MAP7D2: variants seen among roughly 807,000 people sequenced by gnomAD.
MAP7D2 encodes MAP7 domain-containing protein 2.
MAP7D2 carries 33 observed loss-of-function variants against 63.5 expected under a neutral mutation model. That is an observed-to-expected ratio of 0.52 (90% CI 0.39 to 0.70). The LOEUF (loss-of-function observed/expected upper bound fraction) is 0.70, where lower values mean the gene tolerates loss of function less well. Among genes scored for constraint, MAP7D2 ranks in the 30% least tolerant of loss-of-function variants. MAP7D2 has a pLI of 0.00. For synonymous variants in MAP7D2, 224 were observed against 223.7 expected (o/e 1.00, Z -0.01); for missense variants, 626 against 604.0 (o/e 1.04, Z -0.38).
intron 15 of MAP7D2, among the ~76,000 whole-genome samples, chrX:20,012,127 T>C (rs769413123): frequency 9.0e-6 from 1 of 111,194 alleles, no homozygotes; most frequent in South Asian, 3.8e-4. Flanking sequence ...TCCCAAGAGC[T>C]TTCCTCTAAC....
chrX:20,026,075 C>G lies in MAP7D2; in HGVS notation c.1008-123G>C, dbSNP rs192721615. ...TCCTTCCAGAGGAAGGAAAATAGGGCTTAGCACACACTCAAAAGTCACTAA... is the reference window on the plus strand; with the variant it reads ...TCCTTCCAGAGGAAGGAAAATAGGGGTTAGCACACACTCAAAAGTCACTAA... On this transcript the variant is annotated intron_variant, in intron 8 of 16. Coordinates refer to ENST00000379643, the MANE Select transcript of MAP7D2 (RefSeq NM_001168465.2). 1.1e-3 allele frequency: 830 copies of G among 769,356 alleles called. 13 individuals are homozygous for G. The East Asian group carries it at 0.024, about 23-fold the overall frequency. The allele number at this position is 769,356 out of a possible 1,213,427, so 63.4% of individuals were successfully genotyped here.
intron 1 of MAP7D2, among the ~76,000 whole-genome samples, chrX:20,088,864 C>T (rs374912277): frequency 9.1e-6 from 1 of 110,165 alleles, no homozygotes; most frequent in Non-Finnish European, 1.9e-5. Context: ...GGCAGAGTCT[C>T]GCTCTGTTGC....
At chrX:20,016,654 T>C (rs2073407876) in intron 10 of MAP7D2, among the ~76,000 whole-genome samples, 1 of 112,651 alleles carries the variant, frequency 8.9e-6, no homozygotes. Context: ...CCATCATTCT[T>C]ATTGAATGAC....
chrX:20,058,343 C>T (rs200662275), intron 3 of MAP7D2, among the ~76,000 whole-genome samples: 1 of 112,488 alleles, frequency 8.9e-6, no homozygotes, highest in East Asian at 2.8e-4. Context: ...AACCAATGAC[C>T]TAACTGAAGT....
chrX:20,018,406 G>A (rs1053879122), intron 10 of MAP7D2, among the ~76,000 whole-genome samples: 5 of 103,298 alleles, frequency 4.8e-5, no homozygotes, highest in African/African-American at 1.8e-4. Context: ...GACCCCGCTT[G>A]TCCTTTCCAT....
chrX:20,086,582 A>T (rs185812807), intron 1 of MAP7D2, among the ~76,000 whole-genome samples: 53 of 111,549 alleles, frequency 4.8e-4, no homozygotes, highest in African/African-American at 1.7e-3. Context: ...AATAGGAAGC[A>T]GCCTCAGGAG....
intron 1 of MAP7D2, among the ~76,000 whole-genome samples, chrX:20,088,033 G>A (rs2065959165): frequency 9.3e-6 from 1 of 107,325 alleles, no homozygotes; most frequent in Non-Finnish European, 1.9e-5. Context: ...GGGATTACAG[G>A]TGCATACCAT....
chrX:20,066,679 C>T (rs1023237710), intron 1 of MAP7D2, among the ~76,000 whole-genome samples: 1 of 111,736 alleles, frequency 8.9e-6, no homozygotes, highest in Non-Finnish European at 1.9e-5. Flanking sequence ...CCCTTTCTCC[C>T]ATGCACCTTC....
intron 1 of MAP7D2, among the ~76,000 whole-genome samples, chrX:20,076,701 CAA>C (rs768672531): frequency 2.5e-4 from 18 of 71,745 alleles, no homozygotes; most frequent in Admixed American, 6.2e-4. Context: ...AACTTAGTCT[CAA>C]AAAAAAAAAA....
At chrX:20,113,662 T>C (rs1337651249) in intron 1 of MAP7D2, among the ~76,000 whole-genome samples, 2 of 107,545 alleles carry the variant, frequency 1.9e-5, no homozygotes. Flanking sequence ...CCCACTCTAC[T>C]TTTTTTTTTA....
intron 8 of MAP7D2, among the ~76,000 whole-genome samples, chrX:20,034,748 C>T (rs1444098215): frequency 1.8e-5 from 2 of 111,924 alleles, no homozygotes; most frequent in East Asian, 5.6e-4. Flanking sequence ...GCCTCCGGAA[C>T]TGTGAGAAAT....
At chrX:20,063,604 G>A in intron 2 of MAP7D2, 27 bp from the exon 3 acceptor site, 1 of 1,199,834 alleles carries the variant, frequency 8.3e-7, no homozygotes. Flanking sequence ...GAAGAGAGGT[G>A]TCATTACCAG....
In MAP7D2 at chrX:20,006,713, T is replaced by C. The variant is rs1439106101; in HGVS notation, c.*1712A>G. The C allele has an allele frequency of 1.8e-5, 2 of 111,590 alleles. No individual in the cohort carries two copies. The highest frequency in any genetic ancestry group is 3.8e-5 in the Non-Finnish European group (2 of 53,132). 9.2% of individuals were successfully genotyped at this position (111,590 alleles called of 1,213,427 possible). ...AGAAGCTTTATGCAGTTGACTCCACTTGGCACTGGCAACAAAGGAATTTTT... is the reference window on the plus strand; with the variant it reads ...AGAAGCTTTATGCAGTTGACTCCACCTGGCACTGGCAACAAAGGAATTTTT... On this transcript the variant is annotated 3_prime_UTR_variant, in exon 17 of 17. Transcript: ENST00000379643.
At chrX:20,115,452 T>G (rs1734435042) in intron 1 of MAP7D2, among the ~76,000 whole-genome samples, 2 of 111,057 alleles carry the variant, frequency 1.8e-5, no homozygotes, top group South Asian at 7.4e-4. Context: ...CCACGGAGGG[T>G]CGTTCTGGTG....
intron 10 of MAP7D2, among the ~76,000 whole-genome samples, chrX:20,023,987 T>A (rs1173124044): frequency 1.8e-5 from 2 of 112,131 alleles, no homozygotes; most frequent in Admixed American, 1.9e-4. Context: ...AAACCTGTAA[T>A]CAGAGACCAC....
At chrX:20,113,253 C>CT (rs750810378) in intron 1 of MAP7D2, among the ~76,000 whole-genome samples, 18 of 107,893 alleles carry the variant, frequency 1.7e-4, no homozygotes, top group Non-Finnish European at 3.1e-4. Context: ...GATCTGAACA[C>CT]TTTTTTTTTT....
chrX:20,014,895 T>G (rs1460718751), intron 12 of MAP7D2, among the ~76,000 whole-genome samples: 1 of 110,391 alleles, frequency 9.1e-6, no homozygotes, highest in African/African-American at 3.3e-5. Flanking sequence ...TTTTGTATTT[T>G]TAGTAGAGAC....
intron 15 of MAP7D2, among the ~76,000 whole-genome samples, chrX:20,012,148 C>A (rs1367835235): frequency 9.0e-5 from 10 of 111,213 alleles, no homozygotes; most frequent in Non-Finnish European, 1.7e-4. Flanking sequence ...AAATCACATG[C>A]CCTAGAAACT....
At chrX:20,086,221 G>A (rs1445096171) in intron 1 of MAP7D2, among the ~76,000 whole-genome samples, 1 of 111,737 alleles carries the variant, frequency 8.9e-6, no homozygotes, top group Non-Finnish European at 1.9e-5. Context: ...CCCTCACACT[G>A]CTGATGTCCA....
Sources: allele counts gnomAD v4.1 joint callset (sites outside exome capture counted in the v4.1 genomes callset), GRCh38; gene constraint gnomAD v4.1.1; transcripts MANE v1.5; gene names NCBI Gene and HGNC (gene_info 2026-07-23, HGNC 2026-07-21).